Variants in CTNNA3 observed in about 807,000 individuals in gnomAD.
CTNNA3 encodes catenin alpha-3.
CTNNA3 carries 76 observed loss-of-function variants against 95.7 expected under a neutral mutation model. The observed-to-expected ratio is 0.79, with a 90% confidence interval of 0.66 to 0.96. CTNNA3 has a LOEUF of 0.96. Ranked by LOEUF, CTNNA3 falls within the 40% of genes least tolerant of loss-of-function variation. CTNNA3 has a pLI of 0.00. For synonymous variants in CTNNA3, 431 were observed against 374.4 expected (o/e 1.15, Z -1.74); for missense variants, 1,191 against 1,089.8 (o/e 1.09, Z -1.31).
intron 7 of CTNNA3, among the ~76,000 whole-genome samples, chr10:66,808,617 T>C (rs1841752170): frequency 6.6e-6 from 1 of 152,190 alleles, no homozygotes; most frequent in Non-Finnish European, 1.5e-5. Flanking sequence ...AAATGAACAA[T>C]TCATAAGTTT....
rs576123585 is a variant in CTNNA3 at position 66,047,449 on chromosome 10, T to TC, written c.2159+21858dup. ...CAACACCCTTTCATGTTAAAAACTCTCCATAAACCAGATATTGAAGGAACC... is the reference window on the plus strand; with the variant it reads ...CAACACCCTTTCATGTTAAAAACTCTCCCATAAACCAGATATTGAAGGAACC... On this transcript the variant is annotated intron_variant, in intron 15 of 17. Coordinates refer to ENST00000433211, the MANE Select transcript of CTNNA3 (RefSeq NM_013266.4). 9.9e-5 allele frequency among the ~76,000 whole-genome samples: 15 copies of TC among 152,178 alleles called. No individual in the cohort carries two copies. The South Asian group carries it at 3.1e-3, about 32-fold the overall frequency.
chr10:67,747,499 C>A (rs746819912), intron 1 of CTNNA3, among the ~76,000 whole-genome samples: 1 of 152,210 alleles, frequency 6.6e-6, no homozygotes, highest in Non-Finnish European at 1.5e-5. Context: ...GAAGTGAAAC[C>A]CCAGCAAACC....
chr10:66,130,086 C>G (rs2083016347), intron 13 of CTNNA3, among the ~76,000 whole-genome samples: 1 of 152,150 alleles, frequency 6.6e-6, no homozygotes. Context: ...ACTAGGCACA[C>G]AGAACAGTGA....
intron 13 of CTNNA3, among the ~76,000 whole-genome samples, chr10:66,215,053 T>C (rs922057539): frequency 2.2e-4 from 31 of 143,722 alleles, no homozygotes; most frequent in African/African-American, 7.6e-4. Context: ...TATAAACTAA[T>C]ACTTGAAAAA....
chr10:67,121,287 G>A (rs1464267003), intron 7 of CTNNA3, among the ~76,000 whole-genome samples: 1 of 151,644 alleles, frequency 6.6e-6, no homozygotes. Flanking sequence ...GTAGTTATCA[G>A]CTTTGTAAGA....
intron 5 of CTNNA3, among the ~76,000 whole-genome samples, chr10:67,239,248 T>C (rs1865621199): frequency 6.6e-6 from 1 of 152,056 alleles, no homozygotes; most frequent in South Asian, 2.1e-4. Context: ...TGGAAATATG[T>C]TCCTATGTCC....
chr10:66,512,010 CTCTT>C (rs1310943216), intron 11 of CTNNA3, among the ~76,000 whole-genome samples: 1 of 151,896 alleles, frequency 6.6e-6, no homozygotes, highest in Non-Finnish European at 1.5e-5. Context: ...CTCTATCTCT[CTCTT>C]TAACTATAAT....
Position 65,919,893 on chromosome 10 carries a change from T to G in CTNNA3, c.*437A>C. 1 of 158,624 alleles carries G rather than the reference T, an allele frequency of 6.3e-6. No homozygotes were observed. The highest frequency in any genetic ancestry group is 1.4e-5 in the Non-Finnish European group (1 of 71,976). The allele number at this position is 158,624 out of a possible 1,614,324, so 9.8% of individuals were successfully genotyped here. A position where few individuals can be genotyped will look rare whatever the true frequency, so the allele number is the denominator to read the frequency against. ...AGATAAAGAAAGCATGGAGATTAAA[T>G]GGGAAAATATTTTATAAAAGTCTTT... On this transcript the variant is annotated 3_prime_UTR_variant, in exon 18 of 18. Transcript: ENST00000433211.
chr10:66,544,999 C>A (rs769209697), intron 10 of CTNNA3, among the ~76,000 whole-genome samples: 6 of 151,984 alleles, frequency 3.9e-5, no homozygotes, highest in Non-Finnish European at 5.9e-5. Flanking sequence ...ATTAATCACC[C>A]TATAGTAGAA....
At chr10:66,802,816 G>A (rs370437692) in intron 7 of CTNNA3, among the ~76,000 whole-genome samples, 1 of 151,600 alleles carries the variant, frequency 6.6e-6, no homozygotes, top group East Asian at 1.9e-4. Flanking sequence ...ATGTTCCAAC[G>A]ATTGATATAG....
intron 13 of CTNNA3, among the ~76,000 whole-genome samples, chr10:66,107,430 T>C (rs532719306): frequency 6.6e-6 from 1 of 152,336 alleles, no homozygotes; most frequent in Non-Finnish European, 1.5e-5. Flanking sequence ...TGGGAAATAC[T>C]GAATTATTAA....
chr10:66,383,853 A>G (rs1241797760), intron 11 of CTNNA3, among the ~76,000 whole-genome samples: 1 of 152,236 alleles, frequency 6.6e-6, no homozygotes, highest in African/African-American at 2.4e-5. Flanking sequence ...ACTAAGCTTC[A>G]TAAGTGAAGG....
Position 67,621,763 on chromosome 10 carries a change from GA to G in CTNNA3, c.100-14715del, listed in dbSNP as rs1341975636. ...GACATCATCTCAAAAAAAAAAAAAA[GA>G]AAAGAAAAGAAAACGGTCAGTCTAG... On this transcript the variant is annotated intron_variant, in intron 2 of 17. Coordinates refer to ENST00000433211, the MANE Select transcript of CTNNA3 (RefSeq NM_013266.4). Among the ~76,000 whole-genome samples, 54 of 123,342 alleles carry G rather than the reference GA, an allele frequency of 4.4e-4. 1 individual carries two copies. Among genetic ancestry groups the G allele is most frequent in the African/African-American group, 1.5e-3 (44 of 28,792 alleles). The allele number at this position is 123,342 out of a possible 152,430, so 80.9% of individuals were successfully genotyped here. A position where few individuals can be genotyped will look rare whatever the true frequency, so the allele number is the denominator to read the frequency against.
chr10:66,666,694 G>A (rs1256050501), intron 9 of CTNNA3, among the ~76,000 whole-genome samples: 1 of 151,914 alleles, frequency 6.6e-6, no homozygotes, highest in East Asian at 1.9e-4. Flanking sequence ...GGACTGCTAA[G>A]AACAGAATTT....
At chr10:66,689,547 G>A (rs1361760630) in intron 9 of CTNNA3, among the ~76,000 whole-genome samples, 1 of 152,072 alleles carries the variant, frequency 6.6e-6, no homozygotes, top group Non-Finnish European at 1.5e-5. Flanking sequence ...AATTTAAAGA[G>A]GTGATATTAA....
chr10:67,709,493 CA>C (rs1841095249), intron 1 of CTNNA3, among the ~76,000 whole-genome samples: 1 of 152,144 alleles, frequency 6.6e-6, no homozygotes, highest in Non-Finnish European at 1.5e-5. Context: ...CCTTGCTTGA[CA>C]AAACTGTAGC....
At chr10:66,389,511 AT>A (rs1166161430) in intron 11 of CTNNA3, among the ~76,000 whole-genome samples, 1 of 152,056 alleles carries the variant, frequency 6.6e-6, no homozygotes, top group Non-Finnish European at 1.5e-5. Context: ...CCATCTTGAG[AT>A]GCAAAGGGTG....
At chr10:67,342,099 C>CTTTTTTTTTT (rs764381058) in intron 5 of CTNNA3, among the ~76,000 whole-genome samples, 3 of 83,660 alleles carry the variant, frequency 3.6e-5, no homozygotes, top group Non-Finnish European at 6.5e-5. Flanking sequence ...TATTTTTCTT[C>CTTTTTTTTTT]TTTTTTTTTT....
intron 5 of CTNNA3, among the ~76,000 whole-genome samples, chr10:67,497,332 T>C (rs1589359567): frequency 6.6e-6 from 1 of 152,216 alleles, no homozygotes; most frequent in Non-Finnish European, 1.5e-5. Context: ...CAGTCTATCA[T>C]TGATAGGCAT....
Sources: gnomAD v4.1 joint callset for allele counts (sites outside exome capture counted in the v4.1 genomes callset) on GRCh38, gnomAD v4.1.1 for gene constraint, MANE v1.5 for transcripts, NCBI Gene and HGNC (gene_info 2026-07-23, HGNC 2026-07-21) for gene names.